Variants in MACROD2 observed in about 807,000 individuals in gnomAD.
MACROD2 encodes mono-ADP ribosylhydrolase 2.
In MACROD2, 36 loss-of-function variants were observed where a neutral mutation model predicts 70.4. The ratio of observed to expected loss-of-function variants is 0.51; its 90% CI spans 0.39 to 0.68. MACROD2 has a LOEUF of 0.68. Ranked by LOEUF, MACROD2 falls within the 30% of genes least tolerant of loss-of-function variation. The pLI is 0.00. For missense variants in MACROD2, 496 were observed against 538.4 expected (o/e 0.92, Z 0.78); for synonymous variants, 172 against 178.8 (o/e 0.96, Z 0.30).
At chr20:14,610,572 T>A (rs1421003600) in intron 4 of MACROD2, among the ~76,000 whole-genome samples, 1 of 152,138 alleles carries the variant, frequency 6.6e-6, no homozygotes, top group African/African-American at 2.4e-5. Flanking sequence ...ATGTGTTTTA[T>A]TCATGAGTAA....
intron 6 of MACROD2, among the ~76,000 whole-genome samples, chr20:15,231,124 A>G (rs1253653888): frequency 2.6e-5 from 4 of 152,106 alleles, no homozygotes; most frequent in African/African-American, 9.6e-5. Context: ...TCAATGCAAC[A>G]TTGGTGATTC....
intron 3 of MACROD2, among the ~76,000 whole-genome samples, chr20:14,224,580 A>G (rs2081714865): frequency 6.6e-6 from 1 of 152,098 alleles, no homozygotes; most frequent in African/African-American, 2.4e-5. Flanking sequence ...ACAATGTCAT[A>G]TCTTCCCCTT....
chr20:14,800,196 A>G (rs1041863109), intron 5 of MACROD2, among the ~76,000 whole-genome samples: 2 of 152,076 alleles, frequency 1.3e-5, no homozygotes, highest in East Asian at 3.9e-4. Flanking sequence ...CATCTTGCAC[A>G]AGAAGGCGAG....
intron 2 of MACROD2, among the ~76,000 whole-genome samples, chr20:14,031,631 C>G (rs978638587): frequency 1.3e-5 from 2 of 151,998 alleles, no homozygotes; most frequent in Non-Finnish European, 2.9e-5. Flanking sequence ...ACATTTGTAG[C>G]TATTTATATT....
intron 3 of MACROD2, among the ~76,000 whole-genome samples, chr20:14,225,584 C>T (rs1228676677): frequency 5.9e-5 from 9 of 152,206 alleles, no homozygotes; most frequent in Non-Finnish European, 4.4e-5. Context: ...AGATCAATAT[C>T]GCCTTTTAAA....
intron 10 of MACROD2, among the ~76,000 whole-genome samples, chr20:15,923,660 A>C (rs2065445761): frequency 6.6e-6 from 1 of 152,248 alleles, no homozygotes; most frequent in Admixed American, 6.5e-5. Context: ...TCTAATGCAC[A>C]GTGAAGTTTG....
rs3071265 is a variant in MACROD2, at chr20:15,623,679, C to CCTATCTATCTAT, written c.645+123862_645+123873dup. Among the ~76,000 whole-genome samples, 1,443 of 148,236 alleles carry CCTATCTATCTAT rather than the reference C, an allele frequency of 9.7e-3. 12 individuals are homozygous for CCTATCTATCTAT. Among genetic ancestry groups the CCTATCTATCTAT allele is most frequent in the Middle Eastern group, 0.014 (4 of 282 alleles). ...TTAACTAAGTTTAGCAAGTTATCTG[C>CCTATCTATCTAT]CTATCTATCTATCTATCTATCTATC... On this transcript the variant is annotated intron_variant, in intron 8 of 17. Coordinates refer to ENST00000684519, the MANE Select transcript of MACROD2 (RefSeq NM_001351661.2).
intron 5 of MACROD2, among the ~76,000 whole-genome samples, chr20:14,950,250 G>A (rs947443074): frequency 6.6e-6 from 1 of 152,072 alleles, no homozygotes; most frequent in African/African-American, 2.4e-5. Context: ...GGTTCATCCT[G>A]GGGTTTTCAG....
intron 2 of MACROD2, chr20:14,051,729 G>A (rs1179907833): frequency 1.2e-5 from 5 of 413,490 alleles, no homozygotes; most frequent in Non-Finnish European, 2.4e-5. Context: ...GGTATATCCT[G>A]GTGGGTATTT....
intron 2 of MACROD2, among the ~76,000 whole-genome samples, chr20:14,068,194 C>G (rs1001228753): frequency 6.6e-6 from 1 of 152,180 alleles, no homozygotes; most frequent in Non-Finnish European, 1.5e-5. Context: ...TCCCCTGCCT[C>G]TCTTCCTAGC....
chr20:15,516,614 G>A (rs2047571228), intron 8 of MACROD2, among the ~76,000 whole-genome samples: 2 of 152,048 alleles, frequency 1.3e-5, no homozygotes, highest in Admixed American at 1.3e-4. Context: ...GAAGGTAGAG[G>A]GCAGCCTGAA....
intron 5 of MACROD2, among the ~76,000 whole-genome samples, chr20:15,183,785 A>G (rs1412612346): frequency 6.6e-6 from 1 of 152,228 alleles, no homozygotes; most frequent in Non-Finnish European, 1.5e-5. Flanking sequence ...CCCTTGTTTT[A>G]TCACACCACA....
At chr20:15,347,258 C>T (rs1213484434) in intron 6 of MACROD2, among the ~76,000 whole-genome samples, 1 of 152,090 alleles carries the variant, frequency 6.6e-6, no homozygotes, top group Non-Finnish European at 1.5e-5. Context: ...GCTTGAGTAC[C>T]TTCACATAGC....
At chr20:14,840,431 C>A (rs921539900) in intron 5 of MACROD2, among the ~76,000 whole-genome samples, 4 of 150,646 alleles carry the variant, frequency 2.7e-5, no homozygotes, top group South Asian at 4.2e-4. Context: ...GGGACAAGGT[C>A]TTGCCATGTT....
intron 4 of MACROD2, among the ~76,000 whole-genome samples, chr20:14,667,164 A>T (rs12624529): frequency 1.3e-5 from 2 of 151,960 alleles, no homozygotes; most frequent in African/African-American, 4.8e-5. Flanking sequence ...GCTTTGCTCT[A>T]TAATAACAGC....
At chr20:15,032,056 A>G (rs572822092) in intron 5 of MACROD2, among the ~76,000 whole-genome samples, 103 of 152,278 alleles carry the variant, frequency 6.8e-4, no homozygotes, top group African/African-American at 2.5e-3. Flanking sequence ...GCGCTGCCTC[A>G]AGGGTGCACA....
intron 5 of MACROD2, among the ~76,000 whole-genome samples, chr20:14,859,025 A>C (rs1342483486): frequency 1.3e-5 from 2 of 152,086 alleles, no homozygotes. Flanking sequence ...GGGCTTCACT[A>C]TGATGATGCA....
At chr20:15,022,586 C>G (rs2075196640) in intron 5 of MACROD2, among the ~76,000 whole-genome samples, 1 of 152,166 alleles carries the variant, frequency 6.6e-6, no homozygotes, top group African/African-American at 2.4e-5. Context: ...CAGACATTCA[C>G]AACAGAATTT....
Position 15,396,262 on chromosome 20 carries a change from C to T in MACROD2, c.541-35143C>T, listed in dbSNP as rs551450586. Among the ~76,000 whole-genome samples the T allele has an allele frequency of 7.2e-5, 11 of 152,238 alleles. No individual in the cohort carries two copies. The South Asian group carries it at 1.7e-3, about 23-fold the overall frequency. On this transcript the variant is annotated intron_variant, in intron 6 of 17. Coordinates refer to ENST00000684519, the MANE Select transcript of MACROD2 (RefSeq NM_001351661.2). Reference sequence around the variant, plus strand: ...GAGTCACTAGCATAGCAGTCATTGCCCTAAATCTTCCAGGTAAGATTTACT... The same window carrying T: ...GAGTCACTAGCATAGCAGTCATTGCTCTAAATCTTCCAGGTAAGATTTACT...
Sources: allele counts gnomAD v4.1 joint callset (sites outside exome capture counted in the v4.1 genomes callset), GRCh38; gene constraint gnomAD v4.1.1; transcripts MANE v1.5; gene names NCBI Gene and HGNC (gene_info 2026-07-23, HGNC 2026-07-21).